Variants in TGFA observed in about 807,000 individuals in gnomAD.
TGFA encodes transforming growth factor alpha.
A neutral mutation model predicts 21.7 loss-of-function variants in TGFA; 12 were observed. That is an observed-to-expected ratio of 0.55 (90% CI 0.35 to 0.90). TGFA has a LOEUF of 0.90. Among genes scored for constraint, TGFA ranks in the 40% least tolerant of loss-of-function variants. The pLI is 0.01. For synonymous variants in TGFA, 79 were observed against 88.1 expected (o/e 0.90, Z 0.58); for missense variants, 178 against 210.8 (o/e 0.84, Z 0.96).
At chr2:70,465,791 C>T (rs1404883124) in intron 2 of TGFA, 55 bp from the exon 3 acceptor site, 22 of 1,602,956 alleles carry the variant, frequency 1.4e-5, no homozygotes, top group Middle Eastern at 2.1e-4. Flanking sequence ...CATGCAAACC[C>T]CACACCTCCC....
chr2:70,529,833 G>A (rs1553503528), intron 1 of TGFA, among the ~76,000 whole-genome samples: 1 of 152,206 alleles, frequency 6.6e-6, no homozygotes, highest in Non-Finnish European at 1.5e-5. Context: ...AGGCACAAGT[G>A]GGAACTGGAA....
intron 1 of TGFA, among the ~76,000 whole-genome samples, chr2:70,528,553 T>A (rs1001832622): frequency 6.6e-6 from 1 of 151,946 alleles, no homozygotes; most frequent in Admixed American, 6.5e-5. Context: ...AGTCATCTAG[T>A]AGAAAGGTTG....
In TGFA at chr2:70,450,242, TAATA is replaced by T. The variant is rs1255432571; in HGVS notation, c.*613_*616del. On this transcript the variant is annotated 3_prime_UTR_variant, in exon 6 of 6. Coordinates refer to ENST00000295400, the MANE Select transcript of TGFA (RefSeq NM_003236.4). ...ATTAAAAATAAAACCATTATCCATC[TAATA>T]AATAAGACATCATCTCCAAGGGTGG... 6.6e-6 allele frequency: 1 copy of T among 152,334 alleles called. No homozygotes were observed. The highest frequency in any genetic ancestry group is 2.4e-5 in the African/African-American group (1 of 41,446). The allele number at this position is 152,334 out of a possible 1,614,324, so 9.4% of individuals were successfully genotyped here. A position where few individuals can be genotyped will look rare whatever the true frequency, so the allele number is the denominator to read the frequency against.
At chr2:70,494,604 T>C (rs1414034850) in intron 2 of TGFA, among the ~76,000 whole-genome samples, 3 of 152,246 alleles carry the variant, frequency 2.0e-5, no homozygotes, top group East Asian at 3.8e-4. Flanking sequence ...TCATAAATGT[T>C]GTACAATTTA....
In TGFA at chr2:70,448,988, T is replaced by TGCTACAGTCAA. The variant is rs1669969608; in HGVS notation, c.*1860_*1870dup. 6.6e-6 allele frequency: 1 copy of TGCTACAGTCAA among 152,098 alleles called. No homozygotes were observed. Among genetic ancestry groups the TGCTACAGTCAA allele is most frequent in the African/African-American group, 2.4e-5 (1 of 41,354 alleles). 9.4% of individuals were successfully genotyped at this position (152,098 alleles called of 1,614,324 possible). A position where few individuals can be genotyped will look rare whatever the true frequency, so the allele number is the denominator to read the frequency against. ...TCCGTTGATTGGTCTCTAAGCAGGA[T>TGCTACAGTCAA]GCTACAGTCAAGCCTCAACCCACAT... On this transcript the variant is annotated 3_prime_UTR_variant, in exon 6 of 6. Coordinates refer to ENST00000295400, the MANE Select transcript of TGFA (RefSeq NM_003236.4).
chr2:70,547,789 A>G (rs1165458373), intron 1 of TGFA, among the ~76,000 whole-genome samples: 1 of 148,096 alleles, frequency 6.8e-6, no homozygotes, highest in Admixed American at 6.8e-5. Context: ...AATATAGTAT[A>G]CTATCTATAC....
At chr2:70,535,029 C>T (rs1672929583) in intron 1 of TGFA, among the ~76,000 whole-genome samples, 1 of 134,826 alleles carries the variant, frequency 7.4e-6, no homozygotes. Flanking sequence ...CAATTTTGTG[C>T]CTCAGTTCAG....
chr2:70,510,682 G>A lies in TGFA; in HGVS notation c.94+4177C>T, dbSNP rs553540134. On this transcript the variant is annotated intron_variant, in intron 2 of 5. Coordinates refer to ENST00000295400, the MANE Select transcript of TGFA (RefSeq NM_003236.4). The stretch of plus-strand genomic sequence containing the variant: ...GTCCCACTCAAATTGTCTGAGAAGC[G>A]TTTACTAATGACAATGCCAGTTTCC... Among the ~76,000 whole-genome samples the A allele has an allele frequency of 2.8e-4, 42 of 152,270 alleles. No individual in the cohort carries two copies. The South Asian group carries it at 6.0e-3, about 22-fold the overall frequency.
chr2:70,477,591 A>C lies in TGFA; in HGVS notation c.95-11855T>G, dbSNP rs546122830. On this transcript the variant is annotated intron_variant, in intron 2 of 5. Coordinates refer to ENST00000295400, the MANE Select transcript of TGFA (RefSeq NM_003236.4). ...GCCTCCCTTGCAGTTAGGTGTGACC[A>C]TGTGACCAGGATATATGGCCAGTGG... Among the ~76,000 whole-genome samples the C allele has an allele frequency of 2.6e-5, 4 of 152,324 alleles. No homozygotes were observed. In the South Asian group the frequency reaches 8.3e-4, roughly 32 times the overall value.
chr2:70,535,365 T>C (rs142992898), intron 1 of TGFA, among the ~76,000 whole-genome samples: 71 of 152,336 alleles, frequency 4.7e-4, no homozygotes, highest in Non-Finnish European at 9.1e-4. Flanking sequence ...GAGTATCTAA[T>C]ATACAGTTAA....
intron 2 of TGFA, among the ~76,000 whole-genome samples, chr2:70,478,353 C>G (rs1051832231): frequency 6.6e-6 from 1 of 152,092 alleles, no homozygotes; most frequent in Admixed American, 6.5e-5. Context: ...TTCTCAAAAC[C>G]CTCTGGGCAG....
At chr2:70,480,657 C>T (rs1310419166) in intron 2 of TGFA, among the ~76,000 whole-genome samples, 1 of 152,166 alleles carries the variant, frequency 6.6e-6, no homozygotes, top group Non-Finnish European at 1.5e-5. Context: ...AAAGTTTCTC[C>T]ATGAGGCTAT....
chr2:70,488,751 T>C (rs1671341331), intron 2 of TGFA, among the ~76,000 whole-genome samples: 1 of 152,212 alleles, frequency 6.6e-6, no homozygotes, highest in Non-Finnish European at 1.5e-5. Context: ...TAATTATACA[T>C]CAAGTTAGAG....
In TGFA at chr2:70,453,298, C is replaced by T. The variant is rs1553489976; in HGVS notation, c.395G>A (p.Trp132Ter). Reference sequence around the variant, plus strand: ...GTGCCGGCAGATGAGGGCCCGGCACCACTCACAGTGTTTTCGGACCTGGCA... The same window carrying T: ...GTGCCGGCAGATGAGGGCCCGGCACTACTCACAGTGTTTTCGGACCTGGCA... ...HCCQVRKHCE[W>*]CRALICRHEK... is the part of the protein sequence containing the mutation. The change falls in exon 5 of 6, where the codon TGG (tryptophan) becomes TAG (stop). Residue 132 changes from tryptophan (W) to a stop codon, truncating the protein, a stop_gained. Coordinates refer to ENST00000295400, the MANE Select transcript of TGFA (RefSeq NM_003236.4). LOFTEE classifies it high-confidence loss of function. The T allele has an allele frequency of 6.2e-7, 1 of 1,613,874 alleles. No individual in the cohort carries two copies. The highest frequency in any genetic ancestry group is 1.3e-5 in the African/African-American group (1 of 74,922).
intron 2 of TGFA, among the ~76,000 whole-genome samples, chr2:70,469,996 A>G (rs935871992): frequency 2.0e-5 from 3 of 152,200 alleles, no homozygotes; most frequent in African/African-American, 7.2e-5. Context: ...AAAAATAGGT[A>G]CCATAAAAAG....
chr2:70,541,063 A>T (rs183332833), intron 1 of TGFA, among the ~76,000 whole-genome samples: 7 of 152,340 alleles, frequency 4.6e-5, no homozygotes, highest in Admixed American at 1.3e-4. Flanking sequence ...ATATTAAGAG[A>T]CAAAAAAAGT....
At chr2:70,547,360 G>A (rs1278277239) in intron 1 of TGFA, among the ~76,000 whole-genome samples, 2 of 151,984 alleles carry the variant, frequency 1.3e-5, no homozygotes, top group Non-Finnish European at 2.9e-5. Flanking sequence ...TTGGGAGGCC[G>A]AGGCGGGCAG....
chr2:70,457,817 T>C (rs1484976755), intron 3 of TGFA, among the ~76,000 whole-genome samples: 1 of 152,140 alleles, frequency 6.6e-6, no homozygotes, highest in Non-Finnish European at 1.5e-5. Flanking sequence ...GCTGGGATTA[T>C]AGGCGTGAAT....
rs1243997221 is a variant in TGFA at position 70,553,187 on chromosome 2, C to T, written c.40+541G>A. 22 of 1,536,046 alleles carry T rather than the reference C, an allele frequency of 1.4e-5. No homozygotes were observed. In the African/African-American group the frequency reaches 1.8e-4, roughly 12 times the overall value. On this transcript the variant is annotated intron_variant, in intron 1 of 5. Coordinates refer to ENST00000295400, the MANE Select transcript of TGFA (RefSeq NM_003236.4). Reference sequence around the variant, plus strand: ...CGCCCAAAAATCCAAAACCTACCCCCAAAGCTCAAGAGCTCTGAAAAGAGA... The same window carrying T: ...CGCCCAAAAATCCAAAACCTACCCCTAAAGCTCAAGAGCTCTGAAAAGAGA...
Sources: allele counts gnomAD v4.1 joint callset (sites outside exome capture counted in the v4.1 genomes callset), GRCh38; gene constraint gnomAD v4.1.1; transcripts MANE v1.5; gene names NCBI Gene and HGNC (gene_info 2026-07-23, HGNC 2026-07-21).